The following CTXN2 variants were observed in gnomAD, a reference collection of about 807,000 sequenced individuals.
CTXN2 encodes the protein cortexin 2.
A neutral mutation model predicts 5.7 loss-of-function variants in CTXN2; 3 were observed. The ratio of observed to expected loss-of-function variants is 0.53; its 90% CI spans 0.24 to 1.36. The LOEUF (loss-of-function observed/expected upper bound fraction) is 1.36, where lower values mean the gene tolerates loss of function less well. Ranked by LOEUF, CTXN2 falls within the 40% of genes most tolerant of loss-of-function variation. The pLI is 0.17. For synonymous variants in CTXN2, 38 were observed against 36.4 expected, an observed-to-expected ratio of 1.04 and a Z score of -0.16; for missense variants, 87 against 93.0, an observed-to-expected ratio of 0.94 and a Z score of 0.26.
Position 48,201,547 on chromosome 15 carries a change from G to T in CTXN2, c.*1G>T. On this transcript the variant is annotated 3_prime_UTR_variant, in exon 2 of 2. Transcript: ENST00000417307. ...GACATTTGAATATGCACTCGCGTGA[G>T]AGTTCCAGCTATATGGTTTTTATGG... 2 of 1,550,914 alleles carry T rather than the reference G, an allele frequency of 1.3e-6. No homozygotes were observed. Among genetic ancestry groups the T allele is most frequent in the South Asian group, 2.4e-5 (2 of 84,004 alleles).
chr15:48,181,887 T>G (rs1197254247), intron 1 of CTXN2, among the ~76,000 whole-genome samples: 1 of 152,204 alleles, frequency 6.6e-6, no homozygotes, highest in East Asian at 1.9e-4. Flanking sequence ...TTCTAAACCT[T>G]ACAAAGTAAA....
At chr15:48,180,881 C>T (rs1339653511) in intron 1 of CTXN2, among the ~76,000 whole-genome samples, 2 of 152,180 alleles carry the variant, frequency 1.3e-5, no homozygotes, top group Non-Finnish European at 2.9e-5. Context: ...AAGTGATGCT[C>T]AAATTCTTAT....
chr15:48,184,476 G>A (rs536670722), intron 1 of CTXN2, among the ~76,000 whole-genome samples: 2 of 152,180 alleles, frequency 1.3e-5, no homozygotes, highest in South Asian at 2.1e-4. Flanking sequence ...TTTTCAAAAC[G>A]CATATCTAAT....
intron 1 of CTXN2, among the ~76,000 whole-genome samples, chr15:48,193,873 C>G (rs930029075): frequency 6.6e-6 from 1 of 152,078 alleles, no homozygotes; most frequent in Non-Finnish European, 1.5e-5. Flanking sequence ...TTCTTCATTT[C>G]ACAGAGCAAG....
Position 48,201,353 on chromosome 15 carries a change from T to C in CTXN2, c.53T>C (p.Val18Ala). 6.4e-7 allele frequency: 1 copy of C among 1,551,312 alleles called. No individual in the cohort carries two copies. Among genetic ancestry groups the C allele is most frequent in the Non-Finnish European group, 8.7e-7 (1 of 1,146,664 alleles). The change falls in exon 2 of 2, where the codon GTA becomes GCA. Residue 18 changes from valine to alanine, a missense_variant. Val to Ala is a moderately conservative substitution (Grantham distance 64). Transcript: ENST00000417307. Reference protein sequence around the residue: ...NSSAKMSVNEVSAFSLTLEQK... With the variant: ...NSSAKMSVNEASAFSLTLEQK... ...TCAGCTAAGATGAGTGTCAACGAAG[T>C]ATCAGCTTTCTCATTGACTCTGGAG... is the stretch of plus-strand genomic sequence containing the variant.
intron 1 of CTXN2, among the ~76,000 whole-genome samples, chr15:48,182,716 C>A (rs183614001): frequency 1.3e-5 from 2 of 152,266 alleles, no homozygotes; most frequent in Non-Finnish European, 2.9e-5. Flanking sequence ...GAAAAGAAAG[C>A]TTTTGACTCA....
intron 1 of CTXN2, among the ~76,000 whole-genome samples, chr15:48,196,693 G>T (rs1159211017): frequency 6.6e-6 from 1 of 151,954 alleles, no homozygotes; most frequent in East Asian, 1.9e-4. Context: ...AAGTGAATTG[G>T]CATTACCTAT....
chr15:48,196,314 A>G (rs2140984425), intron 1 of CTXN2, among the ~76,000 whole-genome samples: 1 of 152,228 alleles, frequency 6.6e-6, no homozygotes, highest in East Asian at 1.9e-4. Context: ...CCAGAATTCT[A>G]GGCATCAGAA....
chr15:48,186,988 C>T (rs2040763673), upstream of CTXN2, among the ~76,000 whole-genome samples: 1 of 150,590 alleles, frequency 6.6e-6, no homozygotes, highest in South Asian at 2.1e-4. Flanking sequence ...GATCATGTAC[C>T]ATGCATTTAC....
chr15:48,199,952 G>C (rs1440847921), intron 1 of CTXN2, among the ~76,000 whole-genome samples: 1 of 152,118 alleles, frequency 6.6e-6, no homozygotes, highest in Non-Finnish European at 1.5e-5. Context: ...TGAGGATAGA[G>C]CTTTTTTGTA....
chr15:48,189,403 A>T (rs2040791628), upstream of CTXN2: 1 of 152,240 alleles, frequency 6.6e-6, no homozygotes, highest in African/African-American at 2.4e-5. Flanking sequence ...ATTTCAAGTC[A>T]TAAAGTGACA....
intron 1 of CTXN2, among the ~76,000 whole-genome samples, chr15:48,194,735 G>GA (rs1317173506): frequency 6.6e-6 from 1 of 152,074 alleles, no homozygotes; most frequent in African/African-American, 2.4e-5. Context: ...TCTGGTAACA[G>GA]AAAATAGACT....
intron 1 of CTXN2, among the ~76,000 whole-genome samples, chr15:48,186,496 A>G (rs1173328057): frequency 6.6e-6 from 1 of 152,192 alleles, no homozygotes; most frequent in African/African-American, 2.4e-5. Flanking sequence ...CTCTAATCCT[A>G]TTTCAGCACA....
chr15:48,195,484 T>C (rs2040869121), intron 1 of CTXN2, among the ~76,000 whole-genome samples: 1 of 152,136 alleles, frequency 6.6e-6, no homozygotes, highest in Admixed American at 6.6e-5. Flanking sequence ...TTTCACAATT[T>C]GGCTCCAACC....
upstream of CTXN2, among the ~76,000 whole-genome samples, chr15:48,186,725 C>G (rs1451355835): frequency 6.6e-6 from 1 of 151,748 alleles, no homozygotes. Context: ...ATGCTGAAAC[C>G]CTGATTGTAC....
intron 1 of CTXN2, among the ~76,000 whole-genome samples, chr15:48,193,012 A>G (rs1178407769): frequency 3.3e-5 from 5 of 152,240 alleles, no homozygotes; most frequent in African/African-American, 1.2e-4. Context: ...GTATAAAAAT[A>G]CTATCATCTT....
chr15:48,188,678 A>G (rs2040783352), upstream of CTXN2, among the ~76,000 whole-genome samples: 1 of 152,182 alleles, frequency 6.6e-6, no homozygotes, highest in African/African-American at 2.4e-5. Context: ...CAACATATTT[A>G]CCTTTCTAAT....
intron 1 of CTXN2, among the ~76,000 whole-genome samples, chr15:48,180,395 TTTCC>T (rs1364344778): frequency 6.6e-6 from 1 of 152,278 alleles, no homozygotes; most frequent in African/African-American, 2.4e-5. Flanking sequence ...TAGATTGATC[TTTCC>T]TTCCTTTCTT....
upstream of CTXN2, among the ~76,000 whole-genome samples, chr15:48,186,745 A>C (rs116972953): frequency 6.7e-6 from 1 of 148,304 alleles, no homozygotes; most frequent in Admixed American, 6.7e-5. Flanking sequence ...CTAAAAATAC[A>C]AAAAAAAAAT....
Sources: gnomAD v4.1 joint callset for allele counts (sites outside exome capture counted in the v4.1 genomes callset) on GRCh38, gnomAD v4.1.1 for gene constraint, MANE v1.5 for transcripts, NCBI Gene and HGNC (gene_info 2026-07-23, HGNC 2026-07-21) for gene names.